COX15: variants seen among roughly 807,000 people sequenced by gnomAD.
COX15 encodes the protein heme A synthase COX15.
A neutral mutation model predicts 51.9 loss-of-function variants in COX15; 51 were observed. The observed-to-expected ratio is 0.98, with a 90% CI of 0.78 to 1.24. The LOEUF is 1.24. COX15 is among the 50% of genes most tolerant of loss of function. The probability of loss-of-function intolerance (pLI) is 0.00; values close to 1 mark genes in which losing one functional copy is unlikely to be tolerated. For missense variants in COX15, 420 were observed against 501.1 expected (o/e 0.84, Z 1.55); for synonymous variants, 188 against 190.5 (o/e 0.99, Z 0.11).
rs764210757 is a variant in COX15 at position 99,718,428 on chromosome 10, G to A, written c.905C>T (p.Pro302Leu). ...GGGGGAGAAGGTAAAGAGGTCCTCC[G>A]GGATCCAGGATTCTCCCATTTTGGG... ...SFPKMGESWI[P>L]EDLFTFSPIL... The change falls in exon 7 of 9, where the codon CCG (proline) becomes CTG (leucine). Residue 302 changes from proline (P) to leucine (L), a missense_variant. Physicochemically the swap from Pro to Leu is moderately conservative, Grantham distance 98 (BLOSUM62 -3). Coordinates refer to ENST00000016171, the MANE Select transcript of COX15 (RefSeq NM_078470.6). The A allele has an allele frequency of 1.2e-5, 20 of 1,613,922 alleles. No homozygotes were observed. The highest frequency in any genetic ancestry group is 3.3e-5 in the Admixed American group (2 of 59,992).
At chr10:99,726,804 T>G (rs180949576) in intron 4 of COX15, among the ~76,000 whole-genome samples, 164 bp downstream of exon 4, 120 of 145,658 alleles carry the variant, frequency 8.2e-4, no homozygotes, top group African/African-American at 3.0e-3. Context: ...GAGAATGGTA[T>G]GAACCTGGGA....
At position 99,713,235 on chromosome 10, in the gene COX15, A is replaced by C; in HGVS notation, c.*1352T>G. On this transcript the variant is annotated 3_prime_UTR_variant, in exon 9 of 9. Transcript: ENST00000016171. ...GGACAACTAAAATCCCGTCTTTTTTATATGAAATGATATAAGGCCAGGTTT... is the reference window on the plus strand; with the variant it reads ...GGACAACTAAAATCCCGTCTTTTTTCTATGAAATGATATAAGGCCAGGTTT... 1.4e-6 allele frequency: 2 copies of C among 1,405,152 alleles called. No homozygotes were observed. The highest frequency in any genetic ancestry group is 1.9e-6 in the Non-Finnish European group (2 of 1,054,964). The allele number at this position is 1,405,152 out of a possible 1,614,324, so 87.0% of individuals were successfully genotyped here.
At chr10:99,696,712 C>CT in the COX15 span, among the ~76,000 whole-genome samples, 1 of 152,106 alleles carries the variant, frequency 6.6e-6, no homozygotes, top group Non-Finnish European at 1.5e-5. Context: ...TTTCTTGTTT[C>CT]TTTTTTGTTT....
the COX15 span, chr10:99,702,739 GTTTC>G: frequency 2.8e-4 from 396 of 1,424,524 alleles, no homozygotes; most frequent in African/African-American, 6.6e-4. Flanking sequence ...CTCAGAATCG[GTTTC>G]TTTCTTTTTT....
At chr10:99,704,421 T>C in the COX15 span, 1 of 1,610,350 alleles carries the variant, frequency 6.2e-7, no homozygotes, top group Admixed American at 1.7e-5. Context: ...TAACAGTTTT[T>C]TCCACCTACA....
the COX15 span, among the ~76,000 whole-genome samples, chr10:99,695,634 C>T: frequency 6.6e-6 from 1 of 152,038 alleles, no homozygotes; most frequent in Non-Finnish European, 1.5e-5. Flanking sequence ...ATAACACATT[C>T]CCATTGAGGG....
At chr10:99,710,639 C>T, downstream of COX15, 1 of 985,322 alleles carries the variant, frequency 1.0e-6, no homozygotes, top group Non-Finnish European at 1.2e-6. Context: ...GATGCATTCT[C>T]CCTTATGCAG....
downstream of COX15, chr10:99,709,243 CAG>C: frequency 3.0e-6 from 3 of 985,342 alleles, no homozygotes; most frequent in Non-Finnish European, 3.6e-6. Context: ...GTTACAGAAA[CAG>C]AGGGCTGTTT....
chr10:99,706,819 T>C (rs948968299), downstream of COX15, among the ~76,000 whole-genome samples: 1 of 152,228 alleles, frequency 6.6e-6, no homozygotes, highest in Non-Finnish European at 1.5e-5. Flanking sequence ...TTTCTTTTGC[T>C]CTCATCTTGG....
At chr10:99,700,979 T>C in the COX15 span, 2 of 1,613,988 alleles carry the variant, frequency 1.2e-6, no homozygotes, top group Non-Finnish European at 1.7e-6. Context: ...CCAGGATTAC[T>C]GTGGCATGGC....
In COX15 at chr10:99,713,163, A is replaced by G. The variant is rs2036450831; in HGVS notation, c.*1424T>C. On this transcript the variant is annotated 3_prime_UTR_variant, in exon 9 of 9. Coordinates refer to ENST00000016171, the MANE Select transcript of COX15 (RefSeq NM_078470.6). ...CTGAAGTACCACTAATTTTTCTGTT[A>G]TCATATAATAACAACATGAATACTA... is the stretch of plus-strand genomic sequence containing the variant. 7.4e-7 allele frequency: 1 copy of G among 1,349,194 alleles called. No individual in the cohort carries two copies. The highest frequency in any genetic ancestry group is 1.6e-5 in the South Asian group (1 of 62,246). The allele number at this position is 1,349,194 out of a possible 1,614,324, so 83.6% of individuals were successfully genotyped here. A position where few individuals can be genotyped will look rare whatever the true frequency, so the allele number is the denominator to read the frequency against.
At chr10:99,699,722 G>C in the COX15 span, among the ~76,000 whole-genome samples, 1 of 152,090 alleles carries the variant, frequency 6.6e-6, no homozygotes, top group Non-Finnish European at 1.5e-5. Context: ...CCACCACCAT[G>C]CCTGGCTAAT....
intron 3 of COX15, 137 bp downstream of exon 3, chr10:99,727,304 T>G: frequency 6.8e-7 from 1 of 1,467,826 alleles, no homozygotes; most frequent in Non-Finnish European, 9.4e-7. Context: ...GACTTTGGAT[T>G]TGGGGGCTTA....
At chr10:99,700,132 G>T in the COX15 span, among the ~76,000 whole-genome samples, 1 of 152,022 alleles carries the variant, frequency 6.6e-6, no homozygotes, top group Non-Finnish European at 1.5e-5. Context: ...AACTATCCAT[G>T]GCCTGACTCT....
the COX15 span, among the ~76,000 whole-genome samples, chr10:99,700,392 C>T: frequency 7.3e-6 from 1 of 137,202 alleles, no homozygotes; most frequent in East Asian, 2.2e-4. Context: ...ATCCAACGTA[C>T]CGTGTGTGTG....
chr10:99,716,990 G>A (rs908761464), intron 7 of COX15, among the ~76,000 whole-genome samples: 6 of 152,098 alleles, frequency 3.9e-5, no homozygotes, highest in Admixed American at 3.9e-4. Flanking sequence ...ACGGTATCAG[G>A]GAGAATGTTT....
At chr10:99,709,736 GT>G, downstream of COX15, 2 of 985,274 alleles carry the variant, frequency 2.0e-6, no homozygotes, top group Non-Finnish European at 1.2e-6. Flanking sequence ...AGCCTGCTCT[GT>G]CTACTTATCT....
rs2231680 is a variant in COX15 at position 99,727,698 on chromosome 10, A to G, written c.273-135T>C. 637 of 1,125,080 alleles carry G rather than the reference A, an allele frequency of 5.7e-4. 2 individuals carry two copies. The highest frequency in any genetic ancestry group is 1.3e-3 in the South Asian group (100 of 77,950). The allele number at this position is 1,125,080 out of a possible 1,614,324, so 69.7% of individuals were successfully genotyped here. On this transcript the variant is annotated intron_variant, in intron 2 of 8. Coordinates refer to ENST00000016171, the MANE Select transcript of COX15 (RefSeq NM_078470.6). ...GTTTCCTTGTTTCCTCTTTTGAGAC[A>G]TTTCTCTGTTACTGCTTGGAATTTT...
chr10:99,721,716 C>A (rs958626490), intron 5 of COX15, among the ~76,000 whole-genome samples: 1 of 152,078 alleles, frequency 6.6e-6, no homozygotes, highest in African/African-American at 2.4e-5. Flanking sequence ...TATATCAGCA[C>A]TGTCCAATAG....
Sources: gnomAD v4.1 joint callset for allele counts (sites outside exome capture counted in the v4.1 genomes callset) on GRCh38, gnomAD v4.1.1 for gene constraint, MANE v1.5 for transcripts, NCBI Gene and HGNC (gene_info 2026-07-23, HGNC 2026-07-21) for gene names.